The following REPS1 variants were observed in gnomAD, a reference collection of about 807,000 sequenced individuals.
REPS1 encodes RALBP1 associated Eps domain containing 1, also known as ralBP1-associated Eps domain-containing protein 1.
In REPS1, 39 loss-of-function variants were observed where a neutral mutation model predicts 100.9. The ratio of observed to expected loss-of-function variants is 0.39; its 90% confidence interval spans 0.30 to 0.50. REPS1 has a LOEUF of 0.50. Among genes scored for constraint, REPS1 ranks in the 20% least tolerant of loss-of-function variants. The pLI, the probability that REPS1 is intolerant of heterozygous loss-of-function variation, is 0.86. For synonymous variants in REPS1, 324 were observed against 340.3 expected, an observed-to-expected ratio of 0.95 and a Z score of 0.53; for missense variants, 821 against 968.5, an observed-to-expected ratio of 0.85 and a Z score of 2.02.
At chr6:138,976,772 C>T (rs987488809) in intron 1 of REPS1, among the ~76,000 whole-genome samples, 2 of 152,096 alleles carry the variant, frequency 1.3e-5, no homozygotes, top group Non-Finnish European at 2.9e-5. Context: ...GCACGCAGAG[C>T]GGTCCCTGTC....
rs146335119 is a variant in REPS1, at chr6:138,971,472, GA to G, written c.153+16057del. On this transcript the variant is annotated intron_variant, in intron 1 of 19. Coordinates refer to ENST00000450536, the MANE Select transcript of REPS1 (RefSeq NM_001286611.2). ...GAAGTTTTGCCTCATTATATTTTAT[GA>G]AAAAAAAAAGTATACGCTATAGTGC... is the stretch of plus-strand genomic sequence containing the variant. 5.1e-4 allele frequency among the ~76,000 whole-genome samples: 76 copies of G among 148,330 alleles called. No individual in the cohort carries two copies. In the South Asian group the frequency reaches 0.014, roughly 27 times the overall value.
At chr6:138,980,543 C>T (rs1465807171) in intron 1 of REPS1, among the ~76,000 whole-genome samples, 1 of 147,206 alleles carries the variant, frequency 6.8e-6, no homozygotes, top group Non-Finnish European at 1.5e-5. Context: ...TATTCTCCCT[C>T]CCCTGACCCC....
chr6:138,981,568 C>T (rs1165216359), intron 1 of REPS1, among the ~76,000 whole-genome samples: 1 of 152,134 alleles, frequency 6.6e-6, no homozygotes, highest in Admixed American at 6.5e-5. Flanking sequence ...TTGTATTCCT[C>T]AAAGAATGTC....
At chr6:138,941,787 T>C (rs1350349861) in intron 7 of REPS1, among the ~76,000 whole-genome samples, 2 of 152,248 alleles carry the variant, frequency 1.3e-5, no homozygotes, top group Non-Finnish European at 1.5e-5. Context: ...ATAATTCACA[T>C]GCATTTTTAG....
At chr6:138,978,735 G>T (rs1784744281) in intron 1 of REPS1, among the ~76,000 whole-genome samples, 2 of 152,042 alleles carry the variant, frequency 1.3e-5, no homozygotes. Context: ...AAGATTTTAT[G>T]TTACTACTAC....
chr6:138,969,268 A>ACTTT (rs1446430345), intron 1 of REPS1, among the ~76,000 whole-genome samples: 1 of 85,542 alleles, frequency 1.2e-5, no homozygotes, highest in African/African-American at 4.7e-5. Flanking sequence ...ACAAAGCTGT[A>ACTTT]ATTTTTTTTT....
intron 10 of REPS1, among the ~76,000 whole-genome samples, chr6:138,924,567 T>C (rs1780981281): frequency 6.6e-6 from 1 of 152,164 alleles, no homozygotes; most frequent in African/African-American, 2.4e-5. Context: ...TTATTGTCAC[T>C]ATTTTTTAAG....
intron 12 of REPS1, 76 bp downstream of exon 12, chr6:138,920,139 C>T (rs950287370): frequency 1.8e-5 from 14 of 789,906 alleles, no homozygotes; most frequent in Non-Finnish European, 3.1e-5. Context: ...GTATTAAATG[C>T]ATACACATCT....
intron 1 of REPS1, among the ~76,000 whole-genome samples, chr6:138,981,487 C>T (rs778916428): frequency 2.0e-5 from 3 of 152,158 alleles, no homozygotes; most frequent in Non-Finnish European, 4.4e-5. Context: ...CAAATTCTCA[C>T]GACCTTGAAG....
chr6:138,910,810 A>G (rs574546584), intron 17 of REPS1: 6 of 154,810 alleles, frequency 3.9e-5, no homozygotes, highest in African/African-American at 1.2e-4. Context: ...TAATGGTATA[A>G]AGTAGTGAAT....
At chr6:138,986,939 G>C (rs1785292525) in intron 1 of REPS1, among the ~76,000 whole-genome samples, 1 of 152,236 alleles carries the variant, frequency 6.6e-6, no homozygotes, top group Middle Eastern at 3.4e-3. Context: ...GAAAAACATT[G>C]TTCAGTCTCA....
At chr6:138,965,322 A>G (rs1218045094) in intron 1 of REPS1, among the ~76,000 whole-genome samples, 1 of 152,076 alleles carries the variant, frequency 6.6e-6, no homozygotes, top group Non-Finnish European at 1.5e-5. Flanking sequence ...AATTATTTGT[A>G]TTATCTACAT....
chr6:138,965,431 T>C (rs1366370436), intron 1 of REPS1, among the ~76,000 whole-genome samples: 1 of 151,454 alleles, frequency 6.6e-6, no homozygotes, highest in African/African-American at 2.4e-5. Context: ...GCAAAAGTAG[T>C]TTGAAAAATA....
chr6:138,957,662 G>T (rs7775078), intron 1 of REPS1, among the ~76,000 whole-genome samples: 1 of 151,902 alleles, frequency 6.6e-6, no homozygotes, highest in African/African-American at 2.4e-5. Flanking sequence ...AGATCAAAGT[G>T]CAATGACAGA....
At chr6:138,966,732 G>A (rs1203447013) in intron 1 of REPS1, among the ~76,000 whole-genome samples, 2 of 152,086 alleles carry the variant, frequency 1.3e-5, no homozygotes, top group African/African-American at 4.8e-5. Context: ...TTTTTGGTTG[G>A]AAGGCCGCAG....
chr6:138,956,872 A>G (rs1036192601), intron 1 of REPS1, among the ~76,000 whole-genome samples: 1 of 152,058 alleles, frequency 6.6e-6, no homozygotes, highest in African/African-American at 2.4e-5. Context: ...GTTCTGATAG[A>G]TTTTAGAAAA....
intron 8 of REPS1, among the ~76,000 whole-genome samples, chr6:138,936,179 C>A (rs749493824): frequency 1.3e-5 from 2 of 151,968 alleles, no homozygotes; most frequent in African/African-American, 4.8e-5. Context: ...CTTACTAATC[C>A]GCTGAATTTG....
chr6:138,975,833 CA>C (rs1013523268), intron 1 of REPS1, among the ~76,000 whole-genome samples: 3 of 150,886 alleles, frequency 2.0e-5, no homozygotes, highest in African/African-American at 7.3e-5. Flanking sequence ...GACTCCGTCT[CA>C]AAAAAAATAA....
chr6:138,913,728 A>T (rs150542804), intron 15 of REPS1, among the ~76,000 whole-genome samples: 79 of 152,058 alleles, frequency 5.2e-4, no homozygotes, highest in African/African-American at 1.8e-3. Context: ...ATTTCTCATC[A>T]CTCCACACAT....
Sources: gnomAD v4.1 joint callset for allele counts (sites outside exome capture counted in the v4.1 genomes callset) on GRCh38, gnomAD v4.1.1 for gene constraint, MANE v1.5 for transcripts, NCBI Gene and HGNC (gene_info 2026-07-23, HGNC 2026-07-21) for gene names.